Variants in LYPD6B observed in about 807,000 individuals in gnomAD.
LYPD6B encodes the protein LY6/PLAUR domain containing 6B.
A neutral mutation model predicts 22.8 loss-of-function variants in LYPD6B; 17 were observed. That is an observed-to-expected ratio of 0.75 (90% confidence interval 0.51 to 1.12). The LOEUF (loss-of-function observed/expected upper bound fraction) is 1.12, where lower values mean the gene tolerates loss of function less well. Ranked by LOEUF, LYPD6B falls within the 50% of genes most tolerant of loss-of-function variation. The probability of loss-of-function intolerance (pLI) is 0.00; values close to 1 mark genes in which losing one functional copy is unlikely to be tolerated. For synonymous variants in LYPD6B, 106 were observed against 91.6 expected (o/e 1.16, Z -0.90); for missense variants, 221 against 258.3 (o/e 0.86, Z 0.99).
At chr2:149,167,338 T>C (rs1326144569) in intron 3 of LYPD6B, among the ~76,000 whole-genome samples, 2 of 152,212 alleles carry the variant, frequency 1.3e-5, no homozygotes, top group Non-Finnish European at 2.9e-5. Flanking sequence ...TTAATTGCTT[T>C]CTGTGATATA....
At chr2:149,160,473 G>A (rs1004758876) in intron 2 of LYPD6B, 18 of 519,248 alleles carry the variant, frequency 3.5e-5, no homozygotes, top group African/African-American at 7.6e-5. Context: ...GTGGAGGGAT[G>A]TGATGAGGTG....
At chr2:149,128,597 T>C (rs530604385) in intron 1 of LYPD6B, among the ~76,000 whole-genome samples, 60 of 152,222 alleles carry the variant, frequency 3.9e-4, no homozygotes, top group Non-Finnish European at 7.3e-4. Context: ...TAGAGACTAT[T>C]GAAAGAAATG....
At chr2:149,159,874 G>T (rs1689942172) in intron 2 of LYPD6B, among the ~76,000 whole-genome samples, 2 of 152,218 alleles carry the variant, frequency 1.3e-5, no homozygotes, top group South Asian at 4.2e-4. Flanking sequence ...AAGGTAATTT[G>T]CTTTATTCAA....
At position 149,177,113 on chromosome 2, in the gene LYPD6B, C is replaced by T. The variant is rs75235647; in HGVS notation, c.77+16278C>T. On this transcript the variant is annotated intron_variant, in intron 3 of 6. Coordinates refer to ENST00000409642, the MANE Select transcript of LYPD6B (RefSeq NM_177964.5). ...TTGTGGTGAACTGAGGAACCAAATGCGCAGTCTGGGTTTTTAGATTGCAGG... is the reference window on the plus strand; with the variant it reads ...TTGTGGTGAACTGAGGAACCAAATGTGCAGTCTGGGTTTTTAGATTGCAGG... Among the ~76,000 whole-genome samples the T allele has an allele frequency of 5.4e-3, 821 of 152,260 alleles. 6 individuals carry two copies. The highest frequency in any genetic ancestry group is 9.8e-3 in the Admixed American group (150 of 15,286).
At chr2:149,104,902 TAAGA>T (rs995521024) in intron 1 of LYPD6B, among the ~76,000 whole-genome samples, 2 of 152,294 alleles carry the variant, frequency 1.3e-5, no homozygotes, top group African/African-American at 4.8e-5. Context: ...GGAATTTAAT[TAAGA>T]AAGTTTAAAA....
chr2:149,178,106 A>G (rs1157637590), intron 3 of LYPD6B, among the ~76,000 whole-genome samples: 3 of 152,138 alleles, frequency 2.0e-5, no homozygotes, highest in Non-Finnish European at 2.9e-5. Flanking sequence ...TGAGGATCTC[A>G]GAAAAATATC....
chr2:149,088,072 C>T (rs1376844176), intron 1 of LYPD6B, among the ~76,000 whole-genome samples: 2 of 147,266 alleles, frequency 1.4e-5, no homozygotes, highest in Admixed American at 1.4e-4. Flanking sequence ...GCTCCCTCCC[C>T]TCCAGTAACC....
chr2:149,059,228 G>A (rs965474543), intron 1 of LYPD6B, among the ~76,000 whole-genome samples: 2 of 152,234 alleles, frequency 1.3e-5, no homozygotes, highest in African/African-American at 2.4e-5. Context: ...CTACCTCTCT[G>A]TTCCCTGTCA....
chr2:149,095,232 G>A (rs1405532450), intron 1 of LYPD6B, among the ~76,000 whole-genome samples: 1 of 152,148 alleles, frequency 6.6e-6, no homozygotes, highest in Non-Finnish European at 1.5e-5. Context: ...GGAGGCAGAG[G>A]TTGCAGTGAG....
chr2:149,127,924 G>T (rs993459170), intron 1 of LYPD6B, among the ~76,000 whole-genome samples: 16 of 151,686 alleles, frequency 1.1e-4, no homozygotes, highest in African/African-American at 3.6e-4. Context: ...CTTTTTTGTT[G>T]GACTGATCAC....
intron 3 of LYPD6B, among the ~76,000 whole-genome samples, chr2:149,197,384 C>T (rs539001960): frequency 8.5e-5 from 13 of 152,240 alleles, no homozygotes; most frequent in African/African-American, 2.6e-4. Flanking sequence ...TGGTGGCACA[C>T]GCCTATAGTC....
chr2:149,175,408 G>A (rs1243725312), intron 3 of LYPD6B, among the ~76,000 whole-genome samples: 3 of 152,138 alleles, frequency 2.0e-5, no homozygotes, highest in African/African-American at 7.2e-5. Context: ...ACCATGAATA[G>A]AACTTGCAGG....
At chr2:149,067,601 C>T (rs1684397764) in intron 1 of LYPD6B, among the ~76,000 whole-genome samples, 1 of 150,636 alleles carries the variant, frequency 6.6e-6, no homozygotes. Flanking sequence ...ATATTATCCT[C>T]ATAGGGCTAT....
chr2:149,063,737 T>G (rs1028522090), intron 1 of LYPD6B, among the ~76,000 whole-genome samples: 4 of 152,092 alleles, frequency 2.6e-5, no homozygotes, highest in Admixed American at 6.6e-5. Flanking sequence ...TTCCAAAGGG[T>G]TGAATATTGC....
intron 5 of LYPD6B, among the ~76,000 whole-genome samples, chr2:149,208,634 C>T (rs1385524875): frequency 6.6e-6 from 1 of 152,074 alleles, no homozygotes; most frequent in Non-Finnish European, 1.5e-5. Flanking sequence ...ACACATAGAC[C>T]ACAATATTAA....
intron 2 of LYPD6B, among the ~76,000 whole-genome samples, chr2:149,153,685 G>T (rs1298947656): frequency 6.6e-6 from 1 of 152,020 alleles, no homozygotes; most frequent in East Asian, 1.9e-4. Context: ...TGAAGCAGGG[G>T]AATCACTTGA....
chr2:149,141,187 G>C (rs1688671209), intron 2 of LYPD6B, among the ~76,000 whole-genome samples: 1 of 152,188 alleles, frequency 6.6e-6, no homozygotes, highest in East Asian at 1.9e-4. Context: ...TTGTGACTAA[G>C]TGACGTTTGG....
At chr2:149,098,285 G>T (rs1015152270) in intron 1 of LYPD6B, among the ~76,000 whole-genome samples, 5 of 152,106 alleles carry the variant, frequency 3.3e-5, no homozygotes, top group African/African-American at 1.2e-4. Flanking sequence ...GTTGAAATCT[G>T]CTTTCTCCAC....
intron 1 of LYPD6B, among the ~76,000 whole-genome samples, chr2:149,067,676 T>C (rs1376091419): frequency 1.3e-5 from 2 of 151,942 alleles, no homozygotes; most frequent in Non-Finnish European, 2.9e-5. Context: ...AGATAATCTT[T>C]GTCTTAAAAG....
Sources: gnomAD v4.1 joint callset for allele counts (sites outside exome capture counted in the v4.1 genomes callset) on GRCh38, gnomAD v4.1.1 for gene constraint, MANE v1.5 for transcripts, NCBI Gene and HGNC (gene_info 2026-07-23, HGNC 2026-07-21) for gene names.